Variants in CSGALNACT1 observed in about 807,000 individuals in gnomAD.
The protein encoded by CSGALNACT1 is beta4GalNAcT-1.
Under a neutral mutation model 51.0 loss-of-function variants are expected in CSGALNACT1, and 52 were observed. That is an observed-to-expected ratio of 1.02 (90% CI 0.82 to 1.29). The LOEUF (loss-of-function observed/expected upper bound fraction) is 1.29. CSGALNACT1 is among the 50% of genes most tolerant of loss of function. The pLI, the probability that CSGALNACT1 is intolerant of heterozygous loss-of-function variation, is 0.00. For synonymous variants in CSGALNACT1, 341 were observed against 254.4 expected, an observed-to-expected ratio of 1.34 and a Z score of -3.24; for missense variants, 935 against 679.2, an observed-to-expected ratio of 1.38 and a Z score of -4.19.
intron 2 of CSGALNACT1, among the ~76,000 whole-genome samples, chr8:19,593,388 T>C (rs1040005096): frequency 6.6e-6 from 1 of 152,316 alleles, no homozygotes; most frequent in Non-Finnish European, 1.5e-5. Context: ...GTCTGCATCA[T>C]TTTGTGGTCC....
chr8:19,581,691 A>T (rs1450913238), intron 3 of CSGALNACT1, among the ~76,000 whole-genome samples: 1 of 152,228 alleles, frequency 6.6e-6, no homozygotes, highest in African/African-American at 2.4e-5. Context: ...TAACTCCTAG[A>T]ATGAACATGT....
At chr8:19,405,741 G>A in exon 10 of CSGALNACT1, 2 of 1,613,324 alleles carry the variant, frequency 1.2e-6, no homozygotes, top group South Asian at 1.1e-5. Flanking sequence ...AATTGCAAAA[G>A]GAAAGAAAAA....
Position 19,672,309 on chromosome 8 carries a change from A to C in CSGALNACT1, c.-544+10164T>G, listed in dbSNP as rs11997931. 1.7e-3 allele frequency among the ~76,000 whole-genome samples: 260 copies of C among 152,354 alleles called. 3 individuals are homozygous for C. Among genetic ancestry groups the C allele is most frequent in the African/African-American group, 6.1e-3 (254 of 41,582 alleles). On this transcript the variant is annotated intron_variant, in intron 1 of 9. Transcript: ENST00000332246. ...ACGCCTAACACAGTAGCAGGAACAG[A>C]GAAGAACATGCAATACCCATTAGAT...
intron 1 of CSGALNACT1, among the ~76,000 whole-genome samples, chr8:19,742,453 G>A (rs1391941221): frequency 2.6e-5 from 4 of 152,194 alleles, no homozygotes; most frequent in Non-Finnish European, 5.9e-5. Context: ...CACTGCCCTT[G>A]CAGGCTGAAT....
chr8:19,569,568 C>T (rs1372559065), intron 3 of CSGALNACT1, among the ~76,000 whole-genome samples: 3 of 151,752 alleles, frequency 2.0e-5, no homozygotes, highest in Admixed American at 6.6e-5. Context: ...TTTAGCATTA[C>T]GAGTTGGTTG....
chr8:19,527,810 G>A (rs1240684874), intron 3 of CSGALNACT1, among the ~76,000 whole-genome samples: 1 of 152,142 alleles, frequency 6.6e-6, no homozygotes, highest in Admixed American at 6.5e-5. Context: ...GCTTAGACAA[G>A]TTAAGCTCAA....
intron 4 of CSGALNACT1, among the ~76,000 whole-genome samples, chr8:19,475,027 G>C (rs760444134): frequency 2.0e-5 from 3 of 152,102 alleles, no homozygotes; most frequent in Non-Finnish European, 4.4e-5. Context: ...CCGTGGTCAG[G>C]GCCAGGGGTG....
intron 3 of CSGALNACT1, among the ~76,000 whole-genome samples, chr8:19,574,080 G>A (rs1458576852): frequency 1.3e-5 from 2 of 152,164 alleles, no homozygotes; most frequent in South Asian, 2.1e-4. Context: ...CATGATGCCT[G>A]GCTGGTTTTG....
chr8:19,531,308 C>A (rs1309136559), intron 3 of CSGALNACT1, among the ~76,000 whole-genome samples: 1 of 152,118 alleles, frequency 6.6e-6, no homozygotes, highest in Non-Finnish European at 1.5e-5. Flanking sequence ...CATAGCTCCA[C>A]ATAATTTAAA....
At chr8:19,627,929 G>C (rs1011873835) in intron 1 of CSGALNACT1, among the ~76,000 whole-genome samples, 1 of 152,176 alleles carries the variant, frequency 6.6e-6, no homozygotes, top group South Asian at 2.1e-4. Flanking sequence ...TCTTGATAAA[G>C]TACTATAACT....
chr8:19,556,427 C>T (rs1396916809), intron 3 of CSGALNACT1, among the ~76,000 whole-genome samples: 1 of 151,604 alleles, frequency 6.6e-6, no homozygotes, highest in East Asian at 1.9e-4. Flanking sequence ...CAAAATCCTA[C>T]TTTAACATCT....
upstream of CSGALNACT1, among the ~76,000 whole-genome samples, chr8:19,684,165 CA>C (rs5889883): frequency 7.8e-3 from 1,142 of 147,260 alleles, 24 homozygotes; most frequent in East Asian, 0.062. Flanking sequence ...GACTCCATCT[CA>C]AAAAAAAAAT....
chr8:19,693,364 CCT>C (rs1384383705), intron 1 of CSGALNACT1, among the ~76,000 whole-genome samples: 4 of 152,226 alleles, frequency 2.6e-5, no homozygotes, highest in African/African-American at 7.2e-5. Context: ...GTACCACCAT[CCT>C]CTCTCTGTTC....
chr8:19,497,289 T>C (rs2075661473), intron 4 of CSGALNACT1, among the ~76,000 whole-genome samples: 1 of 152,094 alleles, frequency 6.6e-6, no homozygotes, highest in Admixed American at 6.5e-5. Context: ...TTCTCTGAAA[T>C]ACAGAGCAGT....
intron 4 of CSGALNACT1, among the ~76,000 whole-genome samples, chr8:19,493,070 A>C (rs1206917413): frequency 1.3e-5 from 2 of 150,724 alleles, no homozygotes; most frequent in Non-Finnish European, 2.9e-5. Context: ...AAAAAAAAAA[A>C]ACATCTGTAA....
At chr8:19,442,687 T>G (rs141574349) in intron 5 of CSGALNACT1, among the ~76,000 whole-genome samples, 1,674 of 148,688 alleles carry the variant, frequency 0.011, 30 homozygotes, top group African/African-American at 0.039. Flanking sequence ...ACCTGCACAT[T>G]GTGCACATGT....
chr8:19,689,647 T>G (rs145084020), intron 1 of CSGALNACT1, among the ~76,000 whole-genome samples: 4 of 152,328 alleles, frequency 2.6e-5, no homozygotes, highest in East Asian at 3.9e-4. Context: ...TAGGAGGCCA[T>G]TGATTTAGAC....
intron 3 of CSGALNACT1, among the ~76,000 whole-genome samples, chr8:19,564,838 C>A (rs2154101417): frequency 6.6e-6 from 1 of 152,300 alleles, no homozygotes; most frequent in African/African-American, 2.4e-5. Context: ...CCCATGAAAG[C>A]AAAACCTTTA....
chr8:19,573,404 C>T (rs1051418278), intron 3 of CSGALNACT1, among the ~76,000 whole-genome samples: 1 of 152,182 alleles, frequency 6.6e-6, no homozygotes, highest in Non-Finnish European at 1.5e-5. Context: ...TTTCTGTTCA[C>T]TCTTAGTTGA....
Sources: allele counts gnomAD v4.1 joint callset (sites outside exome capture counted in the v4.1 genomes callset), GRCh38; gene constraint gnomAD v4.1.1; transcripts MANE v1.5; gene names NCBI Gene and HGNC (gene_info 2026-07-23, HGNC 2026-07-21).